The following RAB31 variants were observed in gnomAD, a reference collection of about 807,000 sequenced individuals.
RAB31 encodes ras-related protein Rab-31.
A neutral mutation model predicts 25.6 loss-of-function variants in RAB31; 21 were observed. That is an observed-to-expected ratio of 0.82 (90% CI 0.58 to 1.18). The LOEUF (loss-of-function observed/expected upper bound fraction) is 1.18, where lower values mean the gene tolerates loss of function less well. RAB31 is among the 50% of genes most tolerant of loss of function. RAB31 has a pLI of 0.00. For missense variants in RAB31, 196 were observed against 250.1 expected (o/e 0.78, Z 1.46); for synonymous variants, 87 against 84.0 (o/e 1.04, Z -0.20).
At chr18:9,779,394 A>G (rs188445779) in intron 2 of RAB31, among the ~76,000 whole-genome samples, 5 of 152,330 alleles carry the variant, frequency 3.3e-5, no homozygotes, top group Non-Finnish European at 5.9e-5. Context: ...TCTTATAAGT[A>G]CTTTCTGTGG....
At chr18:9,776,885 A>C (rs150092780) in intron 2 of RAB31, among the ~76,000 whole-genome samples, 313 of 152,224 alleles carry the variant, frequency 2.1e-3, no homozygotes, top group African/African-American at 6.4e-3. Context: ...TCCCTAATCC[A>C]AAAACCTGAA....
chr18:9,710,904 C>T (rs1234873851), intron 1 of RAB31, among the ~76,000 whole-genome samples: 1 of 142,542 alleles, frequency 7.0e-6, no homozygotes, highest in Non-Finnish European at 1.5e-5. Flanking sequence ...TATCACACCA[C>T]ATTTGTGGCT....
At chr18:9,717,143 G>T (rs925963023) in intron 1 of RAB31, among the ~76,000 whole-genome samples, 1 of 151,886 alleles carries the variant, frequency 6.6e-6, no homozygotes, top group Non-Finnish European at 1.5e-5. Context: ...GCAATGGTGC[G>T]ATCACAGCTC....
chr18:9,807,372 G>A (rs2068547199), intron 3 of RAB31, among the ~76,000 whole-genome samples: 1 of 152,142 alleles, frequency 6.6e-6, no homozygotes, highest in African/African-American at 2.4e-5. Flanking sequence ...AGAGCGGAGA[G>A]AGGGCAAGAT....
intron 6 of RAB31, among the ~76,000 whole-genome samples, chr18:9,851,100 A>G (rs893482696): frequency 1.3e-5 from 2 of 152,192 alleles, no homozygotes; most frequent in African/African-American, 4.8e-5. Flanking sequence ...AGATTTTATA[A>G]TAGTCAGCAA....
At chr18:9,785,594 C>T (rs2068427670) in intron 2 of RAB31, among the ~76,000 whole-genome samples, 1 of 152,182 alleles carries the variant, frequency 6.6e-6, no homozygotes, top group African/African-American at 2.4e-5. Flanking sequence ...CCTCCTTTTA[C>T]CTGCCCAAGG....
chr18:9,730,760 T>TGTGAGATGCCCA (rs1395317931), intron 1 of RAB31, among the ~76,000 whole-genome samples: 1 of 152,194 alleles, frequency 6.6e-6, no homozygotes, highest in African/African-American at 2.4e-5. Context: ...GTATTGTCAA[T>TGTGAGATGCCCA]GTGAGATGCC....
intron 1 of RAB31, among the ~76,000 whole-genome samples, chr18:9,724,906 A>T (rs1354178574): frequency 6.6e-6 from 1 of 152,190 alleles, no homozygotes; most frequent in African/African-American, 2.4e-5. Flanking sequence ...AATATTTCTC[A>T]CAGTTCTGTA....
chr18:9,733,970 G>A (rs1165040862), intron 1 of RAB31, among the ~76,000 whole-genome samples: 1 of 151,842 alleles, frequency 6.6e-6, no homozygotes, highest in African/African-American at 2.4e-5. Flanking sequence ...CAACTGAAAA[G>A]AGGGGAGTAT....
intron 2 of RAB31, among the ~76,000 whole-genome samples, chr18:9,776,253 G>A (rs1046746618): frequency 3.9e-5 from 6 of 152,130 alleles, no homozygotes; most frequent in African/African-American, 1.4e-4. Context: ...TCTGCTGTTC[G>A]GGAAGTGCCT....
At chr18:9,789,166 A>G (rs889857866) in intron 2 of RAB31, among the ~76,000 whole-genome samples, 1 of 152,206 alleles carries the variant, frequency 6.6e-6, no homozygotes, top group African/African-American at 2.4e-5. Context: ...ACTCATATGC[A>G]AGAGCTGAAA....
At chr18:9,771,287 T>A (rs2068343718) in intron 1 of RAB31, among the ~76,000 whole-genome samples, 1 of 152,206 alleles carries the variant, frequency 6.6e-6, no homozygotes, top group Admixed American at 6.5e-5. Context: ...ACCAACCAGC[T>A]ATGTGACCTT....
At chr18:9,733,492 C>T (rs2068133621) in intron 1 of RAB31, among the ~76,000 whole-genome samples, 5 of 152,204 alleles carry the variant, frequency 3.3e-5, no homozygotes, top group Admixed American at 2.0e-4. Context: ...TCCCACCCTT[C>T]AGTGTCCACA....
At chr18:9,761,682 G>A (rs977732716) in intron 1 of RAB31, among the ~76,000 whole-genome samples, 1 of 152,188 alleles carries the variant, frequency 6.6e-6, no homozygotes, top group African/African-American at 2.4e-5. Context: ...TGTTGTATAT[G>A]TGCCCTGAGG....
chr18:9,813,161 G>A (rs2068583366), intron 3 of RAB31, among the ~76,000 whole-genome samples: 1 of 152,208 alleles, frequency 6.6e-6, no homozygotes, highest in South Asian at 2.1e-4. Flanking sequence ...TTGGAATGGA[G>A]CTCCTCTGCT....
chr18:9,767,311 C>A (rs2068321185), intron 1 of RAB31, among the ~76,000 whole-genome samples: 1 of 152,076 alleles, frequency 6.6e-6, no homozygotes, highest in South Asian at 2.1e-4. Context: ...GAATGGAATC[C>A]CTGAGTTGAT....
At chr18:9,809,053 TGTGC>T (rs1231789610) in intron 3 of RAB31, among the ~76,000 whole-genome samples, 2 of 101,056 alleles carry the variant, frequency 2.0e-5, no homozygotes, top group East Asian at 4.6e-4. Flanking sequence ...TGTGTGTGTG[TGTGC>T]GCGCGCACGC....
At chr18:9,728,562 G>A (rs997555503) in intron 1 of RAB31, among the ~76,000 whole-genome samples, 1 of 152,032 alleles carries the variant, frequency 6.6e-6, no homozygotes, top group Non-Finnish European at 1.5e-5. Context: ...TTTTGAGACA[G>A]GGGCTCATTC....
rs548819149 is a variant in RAB31, at chr18:9,732,906, C to T, written c.39+24462C>T. Among the ~76,000 whole-genome samples, 4 of 152,178 alleles carry T rather than the reference C, an allele frequency of 2.6e-5. No individual in the cohort carries two copies. In the South Asian group the frequency reaches 8.3e-4, roughly 32 times the overall value. On this transcript the variant is annotated intron_variant, in intron 1 of 6. Transcript: ENST00000578921. ...CTGAGCATAATAACCTGGAGCATGA[C>T]CTATATTGAATTCACTTGGTGGTTG...
Sources: gnomAD v4.1 joint callset for allele counts (sites outside exome capture counted in the v4.1 genomes callset) on GRCh38, gnomAD v4.1.1 for gene constraint, MANE v1.5 for transcripts, NCBI Gene and HGNC (gene_info 2026-07-23, HGNC 2026-07-21) for gene names.